The following SLIT2 variants were observed in gnomAD, a reference collection of about 807,000 sequenced individuals.
SLIT2 encodes the protein slit homolog 2 protein.
SLIT2 carries 41 observed loss-of-function variants against 185.7 expected under a neutral mutation model. That is an observed-to-expected ratio of 0.22 (90% CI 0.17 to 0.29). The LOEUF (loss-of-function observed/expected upper bound fraction) is 0.29, where lower values mean the gene tolerates loss of function less well. Ranked by LOEUF, SLIT2 falls within the 10% of genes least tolerant of loss-of-function variation. The probability of loss-of-function intolerance (pLI) is 1.00; values close to 1 mark genes in which losing one functional copy is unlikely to be tolerated. For synonymous variants in SLIT2, 693 were observed against 680.2 expected (o/e 1.02, Z -0.29); for missense variants, 1,571 against 1,909.0 (o/e 0.82, Z 3.30).
chr4:20,537,648 T>C (rs934991732), intron 18 of SLIT2, among the ~76,000 whole-genome samples: 6 of 152,180 alleles, frequency 3.9e-5, no homozygotes, highest in African/African-American at 1.4e-4. Flanking sequence ...ACGGACTCCC[T>C]CCTTAATCTA....
intron 17 of SLIT2, among the ~76,000 whole-genome samples, chr4:20,532,710 T>C (rs1226367838): frequency 6.6e-6 from 1 of 152,216 alleles, no homozygotes; most frequent in Non-Finnish European, 1.5e-5. Context: ...AACTGGCCCA[T>C]AGTCACATAG....
intron 4 of SLIT2, among the ~76,000 whole-genome samples, chr4:20,300,580 G>A (rs529911410): frequency 1.2e-4 from 18 of 148,924 alleles, no homozygotes; most frequent in Non-Finnish European, 1.9e-4. Context: ...TAGTTGTCTC[G>A]CACATGTAGA....
chr4:20,553,737 G>A (rs1723985971), intron 25 of SLIT2, 68 bp from the exon 26 acceptor site: 2 of 553,000 alleles, frequency 3.6e-6, no homozygotes, highest in Non-Finnish European at 5.2e-6. Flanking sequence ...TTCCATACTT[G>A]TGTGTGTGTG....
chr4:20,317,500 G>A (rs1718706164), intron 4 of SLIT2, among the ~76,000 whole-genome samples: 1 of 152,050 alleles, frequency 6.6e-6, no homozygotes, highest in African/African-American at 2.4e-5. Context: ...AGGTGCATTA[G>A]CTGCAGTTTC....
At chr4:20,382,262 T>C (rs941706954) in intron 4 of SLIT2, among the ~76,000 whole-genome samples, 28 of 152,236 alleles carry the variant, frequency 1.8e-4, no homozygotes, top group African/African-American at 6.3e-4. Flanking sequence ...TCCTCCAATA[T>C]GGTGAAATGC....
intron 26 of SLIT2, among the ~76,000 whole-genome samples, chr4:20,562,689 C>T (rs1724792986): frequency 1.3e-5 from 2 of 151,720 alleles, no homozygotes; most frequent in South Asian, 2.1e-4. Flanking sequence ...AACAAATATG[C>T]ATTTGGTATT....
intron 4 of SLIT2, among the ~76,000 whole-genome samples, chr4:20,388,386 G>C (rs1371571171): frequency 2.6e-5 from 4 of 152,110 alleles, no homozygotes; most frequent in African/African-American, 7.2e-5. Context: ...TCAATGACTT[G>C]AGCTAAATTT....
At chr4:20,458,452 A>C (rs1043407703) in intron 4 of SLIT2, among the ~76,000 whole-genome samples, 1 of 152,214 alleles carries the variant, frequency 6.6e-6, no homozygotes. Context: ...GACCATGGGC[A>C]TAACAGTTAC....
At chr4:20,346,937 G>A (rs939942115) in intron 4 of SLIT2, among the ~76,000 whole-genome samples, 1 of 152,226 alleles carries the variant, frequency 6.6e-6, no homozygotes, top group African/African-American at 2.4e-5. Flanking sequence ...GTACCCACCC[G>A]GATTGAGGAT....
At chr4:20,474,789 A>AT (rs1378344385) in intron 5 of SLIT2, among the ~76,000 whole-genome samples, 1 of 151,936 alleles carries the variant, frequency 6.6e-6, no homozygotes, top group African/African-American at 2.4e-5. Context: ...AGGTTGCCAG[A>AT]TTTTTTCCCA....
intron 4 of SLIT2, among the ~76,000 whole-genome samples, chr4:20,344,431 G>A (rs965531294): frequency 1.3e-5 from 2 of 151,890 alleles, no homozygotes; most frequent in Non-Finnish European, 2.9e-5. Flanking sequence ...TATTTCTCTC[G>A]GTCTCTCTCT....
intron 19 of SLIT2, among the ~76,000 whole-genome samples, chr4:20,540,535 C>T (rs1425535065): frequency 6.6e-6 from 1 of 151,736 alleles, no homozygotes; most frequent in African/African-American, 2.4e-5. Flanking sequence ...TAAAAAAAGC[C>T]ACACACCTCC....
intron 3 of SLIT2, among the ~76,000 whole-genome samples, chr4:20,268,100 C>T (rs1404313135): frequency 6.6e-6 from 1 of 151,908 alleles, no homozygotes; most frequent in African/African-American, 2.4e-5. Context: ...GCATACCAAG[C>T]ATCAGGGCTT....
At chr4:20,472,495 T>TAG (rs1302431506) in intron 5 of SLIT2, among the ~76,000 whole-genome samples, 1,785 of 13,750 alleles carry the variant, frequency 0.13, 576 homozygotes, top group Non-Finnish European at 0.14. Context: ...TATATATAGA[T>TAG]ATATATCTAT....
chr4:20,574,206 A>T (rs1725872757), intron 29 of SLIT2, among the ~76,000 whole-genome samples: 1 of 151,898 alleles, frequency 6.6e-6, no homozygotes, highest in African/African-American at 2.4e-5. Flanking sequence ...CACCCGCCTC[A>T]ATCTCCCCAA....
chr4:20,389,808 C>T (rs1725273775), intron 4 of SLIT2, among the ~76,000 whole-genome samples: 1 of 152,070 alleles, frequency 6.6e-6, no homozygotes, highest in South Asian at 2.1e-4. Flanking sequence ...CCAGTGGCAG[C>T]AAAGTCAGTT....
chr4:20,301,707 A>AAATAAT (rs1717060625), intron 4 of SLIT2, among the ~76,000 whole-genome samples: 1 of 152,166 alleles, frequency 6.6e-6, no homozygotes, highest in Non-Finnish European at 1.5e-5. Context: ...ATGTATTTTC[A>AAATAAT]TTTGTAAATA....
At chr4:20,570,731 G>GTATATATATATATATATATA (rs55841917) in intron 29 of SLIT2, among the ~76,000 whole-genome samples, 23 of 125,566 alleles carry the variant, frequency 1.8e-4, no homozygotes, top group African/African-American at 4.5e-4. Flanking sequence ...ATATATATAT[G>GTATATATATATATATATATA]TATATATATA....
intron 4 of SLIT2, among the ~76,000 whole-genome samples, chr4:20,282,693 ATC>A (rs1714892814): frequency 6.6e-6 from 1 of 152,214 alleles, no homozygotes; most frequent in South Asian, 2.1e-4. Context: ...CAATAAATAA[ATC>A]TGTTTAACCT....
Sources: gnomAD v4.1 joint callset for allele counts (sites outside exome capture counted in the v4.1 genomes callset) on GRCh38, gnomAD v4.1.1 for gene constraint, MANE v1.5 for transcripts, NCBI Gene and HGNC (gene_info 2026-07-23, HGNC 2026-07-21) for gene names.